Variants in SLC9A9 observed in about 807,000 individuals in gnomAD.
SLC9A9 encodes the protein sodium/hydrogen exchanger 9.
SLC9A9 carries 62 observed loss-of-function variants against 77.8 expected under a neutral mutation model. The observed-to-expected ratio is 0.80, with a 90% CI of 0.65 to 0.98. The LOEUF is 0.98. Ranked by LOEUF, SLC9A9 falls within the 50% of genes least tolerant of loss-of-function variation. SLC9A9 has a pLI of 0.00. For missense variants in SLC9A9, 775 were observed against 774.9 expected, an observed-to-expected ratio of 1.00 and a Z score of 0.00; for synonymous variants, 320 against 283.5, an observed-to-expected ratio of 1.13 and a Z score of -1.29.
intron 14 of SLC9A9, among the ~76,000 whole-genome samples, chr3:143,356,891 C>T (rs1369966456): frequency 6.6e-6 from 1 of 152,122 alleles, no homozygotes; most frequent in Non-Finnish European, 1.5e-5. Flanking sequence ...TACAGCAGCA[C>T]CTGTAAGGAT....
intron 4 of SLC9A9, among the ~76,000 whole-genome samples, chr3:143,752,420 A>T (rs2006761995): frequency 6.6e-6 from 1 of 152,210 alleles, no homozygotes; most frequent in Non-Finnish European, 1.5e-5. Flanking sequence ...GATTTAACAC[A>T]AGAGATGCTC....
chr3:143,453,697 T>C (rs554093561), intron 12 of SLC9A9, among the ~76,000 whole-genome samples: 9 of 152,330 alleles, frequency 5.9e-5, no homozygotes, highest in Admixed American at 2.6e-4. Flanking sequence ...CATTAACATG[T>C]ATCTTTTCCC....
intron 2 of SLC9A9, among the ~76,000 whole-genome samples, chr3:143,807,268 A>C (rs1250509098): frequency 2.6e-5 from 4 of 152,108 alleles, no homozygotes; most frequent in Admixed American, 2.6e-4. Context: ...AATTGGTGAA[A>C]CATTGGTTTT....
intron 14 of SLC9A9, among the ~76,000 whole-genome samples, chr3:143,291,677 C>T (rs545293967): frequency 6.6e-6 from 1 of 152,334 alleles, no homozygotes; most frequent in Admixed American, 6.5e-5. Flanking sequence ...AATCCAGCTC[C>T]CATGGACCAG....
chr3:143,813,342 A>G (rs2008919835), intron 2 of SLC9A9, among the ~76,000 whole-genome samples: 1 of 152,150 alleles, frequency 6.6e-6, no homozygotes, highest in Admixed American at 6.5e-5. Context: ...TGATCCATTA[A>G]CACACCAGCC....
intron 13 of SLC9A9, among the ~76,000 whole-genome samples, chr3:143,369,705 C>T (rs978682772): frequency 2.0e-5 from 3 of 151,958 alleles, no homozygotes; most frequent in African/African-American, 7.3e-5. Flanking sequence ...ATTTCTCTTC[C>T]TGTTGGGTGT....
intron 14 of SLC9A9, among the ~76,000 whole-genome samples, chr3:143,276,728 A>G (rs1938061234): frequency 6.6e-6 from 1 of 152,038 alleles, no homozygotes; most frequent in Admixed American, 6.5e-5. Flanking sequence ...GAGTCAGATG[A>G]TATCTGAAAC....
chr3:143,762,644 C>G (rs1016238488), intron 4 of SLC9A9, among the ~76,000 whole-genome samples: 3 of 152,114 alleles, frequency 2.0e-5, no homozygotes, highest in African/African-American at 7.2e-5. Flanking sequence ...TCAAGTTTAT[C>G]TGAGCTTGCC....
At chr3:143,609,903 T>C (rs925894055) in intron 6 of SLC9A9, among the ~76,000 whole-genome samples, 29 of 142,662 alleles carry the variant, frequency 2.0e-4, no homozygotes, top group African/African-American at 7.8e-4. Context: ...TTATAAATAA[T>C]GTTACAATGA....
At chr3:143,305,958 A>G (rs1372204701) in intron 14 of SLC9A9, among the ~76,000 whole-genome samples, 1 of 152,148 alleles carries the variant, frequency 6.6e-6, no homozygotes, top group East Asian at 1.9e-4. Context: ...ACGGTCTAAC[A>G]ATTTCCTTGC....
intron 9 of SLC9A9, among the ~76,000 whole-genome samples, chr3:143,511,790 C>T (rs1420439668): frequency 1.3e-5 from 2 of 152,164 alleles, no homozygotes; most frequent in Admixed American, 1.3e-4. Context: ...TTGGGACTGA[C>T]CTATTTTCAG....
In SLC9A9 at chr3:143,767,458, T is replaced by A. The variant is rs538782051; in HGVS notation, c.533+27543A>T. 1.5e-4 allele frequency among the ~76,000 whole-genome samples: 23 copies of A among 151,446 alleles called. No homozygotes were observed. The South Asian group carries it at 4.4e-3, about 29-fold the overall frequency. ...AGGGCCACATTAACTGTTTGTTTGT[T>A]TGGAGGGAGGATAGTTCCACGGACA... On this transcript the variant is annotated intron_variant, in intron 4 of 15. Transcript: ENST00000316549.
intron 12 of SLC9A9, among the ~76,000 whole-genome samples, chr3:143,455,272 T>C (rs757395599): frequency 5.9e-5 from 9 of 152,220 alleles, no homozygotes; most frequent in South Asian, 4.1e-4. Context: ...GTTTAGTTAA[T>C]TTATATGTCT....
intron 9 of SLC9A9, among the ~76,000 whole-genome samples, chr3:143,522,711 A>G (rs2036321818): frequency 6.6e-6 from 1 of 152,174 alleles, no homozygotes; most frequent in Non-Finnish European, 1.5e-5. Flanking sequence ...GACCTACTAA[A>G]GGCTTCCCTT....
intron 11 of SLC9A9, among the ~76,000 whole-genome samples, chr3:143,476,620 G>A (rs1441313312): frequency 6.6e-6 from 1 of 152,182 alleles, no homozygotes; most frequent in African/African-American, 2.4e-5. Flanking sequence ...TCAGGAGAAA[G>A]GCTAACATAG....
intron 4 of SLC9A9, 32 bp from the exon 5 acceptor site, chr3:143,693,339 T>C (rs998410233): frequency 6.6e-7 from 1 of 1,512,472 alleles, no homozygotes; most frequent in Non-Finnish European, 9.2e-7. Context: ...CCTTCAAACA[T>C]CAAGATGAAC....
chr3:143,428,917 G>A (rs1273708894), intron 12 of SLC9A9, among the ~76,000 whole-genome samples: 2 of 152,158 alleles, frequency 1.3e-5, no homozygotes, highest in Non-Finnish European at 2.9e-5. Context: ...GCAGAGGGGT[G>A]GGGATGGGGA....
At chr3:143,608,604 T>G (rs1197377769) in intron 6 of SLC9A9, among the ~76,000 whole-genome samples, 2 of 151,914 alleles carry the variant, frequency 1.3e-5, no homozygotes, top group African/African-American at 2.4e-5. Context: ...GTGGAAGGAC[T>G]TTTTTTCTGG....
At chr3:143,356,050 G>C (rs972934925) in intron 14 of SLC9A9, among the ~76,000 whole-genome samples, 2 of 152,120 alleles carry the variant, frequency 1.3e-5, no homozygotes, top group Admixed American at 6.6e-5. Flanking sequence ...AGAATCCCAG[G>C]ATCATTGTGC....
Sources: gnomAD v4.1 joint callset for allele counts (sites outside exome capture counted in the v4.1 genomes callset) on GRCh38, gnomAD v4.1.1 for gene constraint, MANE v1.5 for transcripts, NCBI Gene and HGNC (gene_info 2026-07-23, HGNC 2026-07-21) for gene names.